The following VPS36 variants were observed in gnomAD, a reference collection of about 807,000 sequenced individuals.
VPS36 encodes the protein vacuolar protein-sorting-associated protein 36.
A neutral mutation model predicts 63.5 loss-of-function variants in VPS36; 31 were observed. That is an observed-to-expected ratio of 0.49 (90% CI 0.37 to 0.66). The LOEUF (loss-of-function observed/expected upper bound fraction) is 0.66. Among genes scored for constraint, VPS36 ranks in the 30% least tolerant of loss-of-function variants. The pLI is 0.00. For synonymous variants in VPS36, 138 were observed against 157.2 expected (o/e 0.88, Z 0.91); for missense variants, 338 against 463.7 (o/e 0.73, Z 2.49).
intron 10 of VPS36, among the ~76,000 whole-genome samples, chr13:52,419,580 T>A (rs1004477387): frequency 6.6e-6 from 1 of 152,134 alleles, no homozygotes; most frequent in South Asian, 2.1e-4. Flanking sequence ...TGAAAAACAG[T>A]ATGGCGATTT....
At chr13:52,431,055 C>T (rs1958150129) in intron 6 of VPS36, among the ~76,000 whole-genome samples, 1 of 151,764 alleles carries the variant, frequency 6.6e-6, no homozygotes, top group Non-Finnish European at 1.5e-5. Context: ...AAATCTACTA[C>T]AGAATGAGGC....
intron 3 of VPS36, among the ~76,000 whole-genome samples, chr13:52,438,327 C>G (rs758122368): frequency 1.3e-5 from 2 of 152,076 alleles, no homozygotes; most frequent in East Asian, 1.9e-4. Context: ...GCTTATTAAT[C>G]TTTTTAAAAC....
In VPS36 at chr13:52,450,563, A is replaced by G; in HGVS notation, c.32T>C (p.Leu11Pro). Reference sequence around the variant, plus strand: ...GATCACCAGGGTCTCGTTGATCTCCAGGAGGCCGCTGGTCCAAACGAAGCG... The same window carrying G: ...GATCACCAGGGTCTCGTTGATCTCCGGGAGGCCGCTGGTCCAAACGAAGCG... MDRFVWTSGL[L>P]EINETLVIQQ... The change falls in exon 1 of 14, where the codon CTG becomes CCG. Residue 11 changes from leucine to proline, a missense_variant. By Grantham distance (98) the Leu-to-Pro change is moderately conservative. Coordinates refer to ENST00000378060, the MANE Select transcript of VPS36 (RefSeq NM_016075.4). 6.3e-7 allele frequency: 1 copy of G among 1,593,374 alleles called. No homozygotes were observed. Among genetic ancestry groups the G allele is most frequent in the Non-Finnish European group, 8.5e-7 (1 of 1,170,272 alleles).
At chr13:52,446,829 G>T (rs1461701064) in intron 1 of VPS36, among the ~76,000 whole-genome samples, 1 of 150,792 alleles carries the variant, frequency 6.6e-6, no homozygotes, top group African/African-American at 2.4e-5. Flanking sequence ...AGAAAATATA[G>T]TTAGCAGCCT....
intron 1 of VPS36, among the ~76,000 whole-genome samples, chr13:52,444,517 T>A (rs545920544): frequency 2.5e-4 from 37 of 145,384 alleles, no homozygotes; most frequent in South Asian, 1.1e-3. Context: ...TGTATAAAAA[T>A]ATATATATTT....
At chr13:52,416,133 T>C in intron 12 of VPS36, 40 bp from the exon 13 acceptor site, 1 of 1,594,444 alleles carries the variant, frequency 6.3e-7, no homozygotes, top group Non-Finnish European at 8.6e-7. Context: ...GTAATTAATT[T>C]AGGACACTAA....
In VPS36 at chr13:52,427,103, G is replaced by A. The variant is rs375452546; in HGVS notation, c.562-37C>T. 1.9e-5 allele frequency: 31 copies of A among 1,602,626 alleles called. No individual in the cohort carries two copies. The African/African-American group carries it at 2.7e-4, about 14-fold the overall frequency. ...AAAGTAAAGACTGAAAAGCACTATT[G>A]TCCCCAAAATGTCTGCTAACAAAAT... On this transcript the variant is annotated intron_variant, in intron 7 of 13. Transcript: ENST00000378060.
chr13:52,423,455 T>C, intron 10 of VPS36, 119 bp downstream of exon 10: 1 of 827,666 alleles, frequency 1.2e-6, no homozygotes, highest in Non-Finnish European at 2.0e-6. Flanking sequence ...TCTTTCACTG[T>C]ACCACAGTGC....
chr13:52,442,004 T>C (rs534416621), intron 2 of VPS36, among the ~76,000 whole-genome samples: 10 of 152,186 alleles, frequency 6.6e-5, no homozygotes, highest in Non-Finnish European at 1.5e-4. Flanking sequence ...TTAAAAAACA[T>C]GATTCTCCAT....
At chr13:52,417,212 C>T in intron 11 of VPS36, 71 bp from the exon 12 acceptor site, 1 of 1,301,446 alleles carries the variant, frequency 7.7e-7, no homozygotes, top group Non-Finnish European at 1.1e-6. Flanking sequence ...AGGAGGACAT[C>T]TTTTATACCT....
At chr13:52,419,464 C>A (rs1056728921) in intron 10 of VPS36, among the ~76,000 whole-genome samples, 3 of 152,118 alleles carry the variant, frequency 2.0e-5, no homozygotes, top group Non-Finnish European at 2.9e-5. Context: ...AGTCCAAGCC[C>A]TTATATTAAA....
rs74551085 is a variant in VPS36 at position 52,434,207 on chromosome 13, A to G, written c.442-459T>C. 3.5e-3 allele frequency among the ~76,000 whole-genome samples: 530 copies of G among 152,306 alleles called. 3 individuals are homozygous for G. The East Asian group carries it at 0.036, about 10-fold the overall frequency. ...AAAACATTACCCAGCTGTACTGTCT[A>G]TTCTCTCAAATGTCACACTGATTAT... On this transcript the variant is annotated intron_variant, in intron 5 of 13. Transcript: ENST00000378060.
chr13:52,438,674 G>T (rs546732804), intron 3 of VPS36, among the ~76,000 whole-genome samples: 1 of 152,206 alleles, frequency 6.6e-6, no homozygotes, highest in South Asian at 2.1e-4. Context: ...TGTTACCCTG[G>T]TCTAATTGTT....
At chr13:52,447,624 T>C (rs187022650) in intron 1 of VPS36, among the ~76,000 whole-genome samples, 1 of 152,256 alleles carries the variant, frequency 6.6e-6, no homozygotes, top group Admixed American at 6.5e-5. Context: ...TTGGATCTGG[T>C]TTGCAATTCT....
At position 52,414,552 on chromosome 13, in the gene VPS36, T is replaced by C. The variant is rs1259844497; in HGVS notation, c.*1278A>G. ...GTCCCTGGCACTTCCCAGAGGGCAC[T>C]GCAGCAGCCTCTGGCAGTGGCCCTC... On this transcript the variant is annotated 3_prime_UTR_variant, in exon 14 of 14. Transcript: ENST00000378060. The C allele has an allele frequency of 6.6e-6, 1 of 152,268 alleles. No individual in the cohort carries two copies. The highest frequency in any genetic ancestry group is 6.5e-5 in the Admixed American group (1 of 15,274). The allele number at this position is 152,268 out of a possible 1,614,324, so 9.4% of individuals were successfully genotyped here.
intron 2 of VPS36, among the ~76,000 whole-genome samples, chr13:52,440,501 C>T (rs1308504099): frequency 1.3e-5 from 2 of 151,924 alleles, no homozygotes; most frequent in Non-Finnish European, 2.9e-5. Context: ...CCACGTTGGT[C>T]AGGCTGGTCT....
intron 3 of VPS36, among the ~76,000 whole-genome samples, chr13:52,437,608 C>T (rs1360734262): frequency 6.6e-6 from 1 of 151,990 alleles, no homozygotes; most frequent in African/African-American, 2.4e-5. Context: ...ATCAAGTCAT[C>T]CAATTACTAT....
chr13:52,428,921 A>G (rs1262531158), intron 6 of VPS36, among the ~76,000 whole-genome samples: 1 of 152,186 alleles, frequency 6.6e-6, no homozygotes, highest in Non-Finnish European at 1.5e-5. Flanking sequence ...TTTGTGCCTT[A>G]GAAGAAATGT....
At chr13:52,426,108 C>A in intron 8 of VPS36, 42 bp from the exon 9 acceptor site, 1 of 1,600,088 alleles carries the variant, frequency 6.2e-7, no homozygotes, top group Non-Finnish European at 8.5e-7. Context: ...GTCTCTCCAC[C>A]TCAATATTTG....
Sources: gnomAD v4.1 joint callset for allele counts (sites outside exome capture counted in the v4.1 genomes callset) on GRCh38, gnomAD v4.1.1 for gene constraint, MANE v1.5 for transcripts, NCBI Gene and HGNC (gene_info 2026-07-23, HGNC 2026-07-21) for gene names.